The following XRRA1 variants were observed in gnomAD, a reference collection of about 807,000 sequenced individuals.
The protein encoded by XRRA1 is X-ray radiation resistance-associated protein 1.
In XRRA1, 69 loss-of-function variants were observed where a neutral mutation model predicts 80.2. That is an observed-to-expected ratio of 0.86 (90% CI 0.71 to 1.05). The LOEUF (loss-of-function observed/expected upper bound fraction) is 1.05, where lower values mean the gene tolerates loss of function less well. XRRA1 is among the 50% of genes least tolerant of loss of function. The pLI is 0.00. For missense variants in XRRA1, 967 were observed against 976.4 expected (o/e 0.99, Z 0.13); for synonymous variants, 348 against 389.9 (o/e 0.89, Z 1.27).
intron 10 of XRRA1, among the ~76,000 whole-genome samples, chr11:74,881,654 G>C (rs1281005345): frequency 6.6e-6 from 1 of 152,124 alleles, no homozygotes; most frequent in African/African-American, 2.4e-5. Context: ...TGTAAGGCAG[G>C]CCTGGTGGTG....
Position 74,918,299 on chromosome 11 carries a change from AGTGTGTGTGTGTGT to A in XRRA1, c.656+2901_656+2914del, listed in dbSNP as rs35763136. 5.3e-3 allele frequency among the ~76,000 whole-genome samples: 791 copies of A among 150,148 alleles called. 7 individuals are homozygous for A. Among genetic ancestry groups the A allele is most frequent in the African/African-American group, 0.018 (753 of 41,038 alleles). On this transcript the variant is annotated intron_variant, in intron 8 of 18. Coordinates refer to ENST00000684022, the MANE Select transcript of XRRA1 (RefSeq NM_001378157.1). ...TTCGTGTGCATTTTCTTCCTTCCTTAGTGTGTGTGTGTGTGTGTGTGTGTGTGCACTCGCATGCA... is the reference window on the plus strand; with the variant it reads ...TTCGTGTGCATTTTCTTCCTTCCTTAGTGTGTGTGTGTGCACTCGCATGCA...
At chr11:74,923,803 C>G (rs1365682366) in intron 7 of XRRA1, among the ~76,000 whole-genome samples, 2 of 152,164 alleles carry the variant, frequency 1.3e-5, no homozygotes, top group Admixed American at 1.3e-4. Context: ...AGAAGCTGAC[C>G]TACTGCTATT....
At chr11:74,882,629 A>G (rs1207076603) in intron 10 of XRRA1, among the ~76,000 whole-genome samples, 3 of 151,954 alleles carry the variant, frequency 2.0e-5, no homozygotes, top group African/African-American at 7.3e-5. Context: ...TTTTTTCCCC[A>G]TCTTTGTGGT....
At chr11:74,867,890 A>G (rs1364098004) in intron 10 of XRRA1, among the ~76,000 whole-genome samples, 1 of 148,392 alleles carries the variant, frequency 6.7e-6, no homozygotes, top group East Asian at 2.0e-4. Flanking sequence ...AGCACAAACC[A>G]GAGGAGAATG....
chr11:74,865,395 T>C (rs1369741364), intron 10 of XRRA1, among the ~76,000 whole-genome samples: 3 of 152,316 alleles, frequency 2.0e-5, no homozygotes, highest in South Asian at 2.1e-4. Flanking sequence ...CAGGGCTCTC[T>C]AGCCTCTGTT....
intron 14 of XRRA1, among the ~76,000 whole-genome samples, chr11:74,849,939 C>T (rs1249890593): frequency 6.6e-6 from 1 of 152,208 alleles, no homozygotes; most frequent in Non-Finnish European, 1.5e-5. Flanking sequence ...TTTCTAGCCC[C>T]ATCTCTGTAT....
chr11:74,906,490 C>T (rs1047245116), intron 9 of XRRA1, 34 bp from the exon 10 acceptor site: 1 of 1,604,536 alleles, frequency 6.2e-7, no homozygotes, highest in African/African-American at 1.3e-5. Context: ...AGAATCATAG[C>T]AATAATGATA....
intron 4 of XRRA1, among the ~76,000 whole-genome samples, chr11:74,935,605 TA>T (rs1174527421): frequency 6.6e-6 from 1 of 152,160 alleles, no homozygotes; most frequent in Admixed American, 6.5e-5. Context: ...ATGTCAAGGA[TA>T]ACCTCAGGTA....
Position 74,930,314 on chromosome 11 carries a change from T to C in XRRA1, c.410A>G (p.Asn137Ser). The change falls in exon 6 of 19, where the codon AAC (asparagine) becomes AGC (serine). Residue 137 changes from asparagine (N) to serine (S), a missense_variant. Coordinates refer to ENST00000684022, the MANE Select transcript of XRRA1 (RefSeq NM_001378157.1). The stretch of plus-strand genomic sequence containing the variant: ...AAAAAGCTTACCTAGAGGCAGCAGG[T>C]TTTCTGAGGCATTGATATAAATCAC... The part of the protein sequence containing the change: ...HSVIYINASE[N>S]LLPLEAFHTF... 1 of 1,570,110 alleles carries C rather than the reference T, an allele frequency of 6.4e-7. No individual in the cohort carries two copies. The highest frequency in any genetic ancestry group is 8.6e-7 in the Non-Finnish European group (1 of 1,156,104).
At chr11:74,908,235 T>G (rs1260691919) in intron 8 of XRRA1, among the ~76,000 whole-genome samples, 1 of 152,248 alleles carries the variant, frequency 6.6e-6, no homozygotes, top group African/African-American at 2.4e-5. Flanking sequence ...ATAGGTATTA[T>G]TTATCTCCTT....
intron 8 of XRRA1, 132 bp downstream of exon 8, chr11:74,921,082 C>T: frequency 8.1e-7 from 1 of 1,227,908 alleles, no homozygotes; most frequent in Non-Finnish European, 1.1e-6. Flanking sequence ...TTTCTGGGAG[C>T]TTCAGTAGGT....
intron 10 of XRRA1, among the ~76,000 whole-genome samples, chr11:74,869,881 A>G (rs1168035415): frequency 2.0e-5 from 3 of 152,048 alleles, no homozygotes; most frequent in Non-Finnish European, 4.4e-5. Flanking sequence ...TTCACCTATT[A>G]AACTTCCACT....
intron 7 of XRRA1, among the ~76,000 whole-genome samples, chr11:74,923,900 C>CT (rs1216061386): frequency 6.6e-6 from 1 of 152,130 alleles, no homozygotes; most frequent in African/African-American, 2.4e-5. Context: ...ATGAACATGG[C>CT]TAGAGGGCAG....
At chr11:74,879,950 G>T (rs1728825541) in intron 10 of XRRA1, among the ~76,000 whole-genome samples, 1 of 152,008 alleles carries the variant, frequency 6.6e-6, no homozygotes, top group South Asian at 2.1e-4. Flanking sequence ...TCTCTGCCTG[G>T]CTTTGGTATC....
At position 74,949,072 on chromosome 11, in the gene XRRA1, G is replaced by A. The variant is rs1306850002; in HGVS notation, c.-217C>T. Reference sequence around the variant, plus strand: ...CTATCTTCCCCACGCCTTAGTAACTGCGACGCGACGGCAGACAGTGTAGGC... The same window carrying A: ...CTATCTTCCCCACGCCTTAGTAACTACGACGCGACGGCAGACAGTGTAGGC... On this transcript the variant is annotated 5_prime_UTR_variant, in exon 1 of 19. Coordinates refer to ENST00000684022, the MANE Select transcript of XRRA1 (RefSeq NM_001378157.1). 8.5e-6 allele frequency: 4 copies of A among 470,048 alleles called. No individual in the cohort carries two copies. The highest frequency in any genetic ancestry group is 1.1e-5 in the Non-Finnish European group (3 of 263,128). The allele number at this position is 470,048 out of a possible 1,614,324, so 29.1% of individuals were successfully genotyped here.
At position 74,891,265 on chromosome 11, in the gene XRRA1, A is replaced by G. The variant is rs139808539; in HGVS notation, c.1003+14974T>C. ...TGGTTCAACATATGCAAATCAATAA[A>G]CATAATCCAACATATAAACAGAACC... On this transcript the variant is annotated intron_variant, in intron 10 of 18. Transcript: ENST00000684022. 6.7e-4 allele frequency among the ~76,000 whole-genome samples: 102 copies of G among 152,338 alleles called. 1 individual carries two copies. In the East Asian group the frequency reaches 0.016, roughly 24 times the overall value.
intron 5 of XRRA1, among the ~76,000 whole-genome samples, chr11:74,931,444 C>A (rs1382912689): frequency 1.3e-5 from 2 of 152,002 alleles, no homozygotes; most frequent in Non-Finnish European, 2.9e-5. Flanking sequence ...CCTGCCTCAG[C>A]CTCCTGAGTA....
chr11:74,859,993 C>T (rs572730674), intron 11 of XRRA1, among the ~76,000 whole-genome samples: 8 of 152,180 alleles, frequency 5.3e-5, no homozygotes, highest in South Asian at 2.1e-4. Flanking sequence ...TTCCTGAGTT[C>T]GATGGGACCA....
intron 7 of XRRA1, among the ~76,000 whole-genome samples, chr11:74,921,623 T>C (rs1261639361): frequency 6.6e-6 from 1 of 152,134 alleles, no homozygotes; most frequent in Admixed American, 6.5e-5. Context: ...GCTTGTGCTT[T>C]TTGCTTAAAT....
Sources: gnomAD v4.1 joint callset for allele counts (sites outside exome capture counted in the v4.1 genomes callset) on GRCh38, gnomAD v4.1.1 for gene constraint, MANE v1.5 for transcripts, NCBI Gene and HGNC (gene_info 2026-07-23, HGNC 2026-07-21) for gene names.